Variants in PLEKHA6 observed in about 807,000 individuals in gnomAD.
PLEKHA6 encodes the protein pleckstrin homology domain containing A6, also known as pleckstrin homology domain-containing family A member 6.
A neutral mutation model predicts 116.7 loss-of-function variants in PLEKHA6; 60 were observed. That is an observed-to-expected ratio of 0.51 (90% CI 0.42 to 0.64). The LOEUF (loss-of-function observed/expected upper bound fraction) is 0.64. PLEKHA6 is among the 30% of genes least tolerant of loss of function. The probability of loss-of-function intolerance (pLI) is 0.00; values close to 1 mark genes in which losing one functional copy is unlikely to be tolerated. For missense variants in PLEKHA6, 1,338 were observed against 1,422.7 expected (o/e 0.94, Z 0.96); for synonymous variants, 489 against 556.1 (o/e 0.88, Z 1.70).
chr1:204,293,087 G>C (rs116972773), intron 1 of PLEKHA6, among the ~76,000 whole-genome samples: 1 of 152,162 alleles, frequency 6.6e-6, no homozygotes, highest in Non-Finnish European at 1.5e-5. Context: ...CTGTGGGAGT[G>C]GGGGAGGGAG....
rs113419193 is a variant in PLEKHA6 at position 204,238,780 on chromosome 1, C to T, written c.2409+2595G>A. ...GATGGTTCTGCAAGATATGCAGGCA[C>T]CACCCGAAAGTAGACAGCTGCAGCA... On this transcript the variant is annotated intron_variant, in intron 17 of 22. Coordinates refer to ENST00000272203, the MANE Select transcript of PLEKHA6 (RefSeq NM_014935.5). This position sits in a 1 kb window ranked among gnomAD's most constrained non-coding sequence, Gnocchi z 4.2. Among the ~76,000 whole-genome samples the T allele has an allele frequency of 0.082, 12,411 of 152,252 alleles. 599 individuals are homozygous for T. Among genetic ancestry groups the T allele is most frequent in the Middle Eastern group, 0.14 (41 of 294 alleles).
At chr1:204,295,929 C>G (rs1354451687) in intron 1 of PLEKHA6, among the ~76,000 whole-genome samples, 1 of 152,142 alleles carries the variant, frequency 6.6e-6, no homozygotes, top group East Asian at 1.9e-4. Context: ...AACGGAAACT[C>G]AAGAAGCTCC....
chr1:204,257,759 C>G lies in PLEKHA6; in HGVS notation c.1118G>C (p.Ser373Thr). The G allele has an allele frequency of 6.2e-7, 1 of 1,613,852 alleles. No individual in the cohort carries two copies. The highest frequency in any genetic ancestry group is 8.5e-7 in the Non-Finnish European group (1 of 1,179,906). The change falls in exon 9 of 23, where the codon AGC (serine) becomes ACC (threonine). Residue 373 changes from serine (S) to threonine (T), a missense_variant. Physicochemically the swap from Ser to Thr is moderately conservative, Grantham distance 58. Coordinates refer to ENST00000272203, the MANE Select transcript of PLEKHA6 (RefSeq NM_014935.5). The surrounding 1 kb of genome is among the most constrained non-coding windows in gnomAD (Gnocchi z 6.5). ...ATCATAGGCCGGCATGGAACAGATG[C>G]TCTCCGGCCGCACTCCTGGCGGGTA... Reference protein sequence around the residue: ...QYYPPGVRPESICSMPAYDRI... With the variant: ...QYYPPGVRPETICSMPAYDRI...
At chr1:204,258,388 A>G (rs1036471535) in intron 8 of PLEKHA6, among the ~76,000 whole-genome samples, 7 of 152,230 alleles carry the variant, frequency 4.6e-5, no homozygotes, top group Admixed American at 4.6e-4. Context: ...ATCCACCTGT[A>G]GAGTAGTAGC....
chr1:204,312,304 C>T (rs546529885), intron 1 of PLEKHA6, among the ~76,000 whole-genome samples: 19 of 152,340 alleles, frequency 1.2e-4, no homozygotes, highest in African/African-American at 2.9e-4. Flanking sequence ...GAGAGATAAA[C>T]GGCACACAGC....
At position 204,238,542 on chromosome 1, in the gene PLEKHA6, C is replaced by A. The variant is rs1163175224; in HGVS notation, c.2409+2833G>T. 6.6e-6 allele frequency among the ~76,000 whole-genome samples: 1 copy of A among 152,174 alleles called. No homozygotes were observed. The highest frequency in any genetic ancestry group is 2.4e-5 in the African/African-American group (1 of 41,434). On this transcript the variant is annotated intron_variant, in intron 17 of 22. Transcript: ENST00000272203. The surrounding 1 kb of genome is among the most constrained non-coding windows in gnomAD (Gnocchi z 4.2). ...TAGCCATAAAGTGGGTGGTGCACAG[C>A]AGCATTCCATCATCAAATGGAAGTG... is the stretch of plus-strand genomic sequence containing the variant.
intron 5 of PLEKHA6, among the ~76,000 whole-genome samples, chr1:204,266,272 T>C (rs913308456): frequency 2.0e-5 from 3 of 152,280 alleles, no homozygotes; most frequent in Non-Finnish European, 4.4e-5. Flanking sequence ...CCTCCAGAGA[T>C]GGAGCCCCTG....
At position 204,230,524 on chromosome 1, in the gene PLEKHA6, C is replaced by T. The variant is rs1322915546; in HGVS notation, c.2472G>A (p.Gln824=). 1 of 1,597,992 alleles carries T rather than the reference C, an allele frequency of 6.3e-7. No homozygotes were observed. The highest frequency in any genetic ancestry group is 1.7e-5 in the Admixed American group (1 of 57,254). The change falls in exon 18 of 23, where the codon CAG becomes CAA. Residue 824 remains glutamine (Q), a synonymous_variant. Transcript: ENST00000272203. ...TCTGGTGCCGCCGCATTCGGTCAAT[C>T]TGCTCCTCCACGCTCATCTTGACCT... is the stretch of plus-strand genomic sequence containing the variant. ...EGKVKMSVEE[Q]IDRMRRHQSG...
At chr1:204,299,618 C>G in intron 1 of PLEKHA6, 7 of 984,376 alleles carry the variant, frequency 7.1e-6, no homozygotes, top group Non-Finnish European at 8.4e-6. Context: ...ATCTCGCATT[C>G]TTTCTCCTGC....
rs1417742368 is a variant in PLEKHA6, at chr1:204,257,611, G to A, written c.1266C>T (p.Val422=). 2 of 1,609,534 alleles carry A rather than the reference G, an allele frequency of 1.2e-6. No individual in the cohort carries two copies. The highest frequency in any genetic ancestry group is 1.3e-5 in the African/African-American group (1 of 74,976). The part of the protein sequence containing the change: ...PASYGRQDAT[V]WIPSPSRQPV... ...GCTGCCGGGAGGGGCTTGGGATCCA[G>A]ACGGTGGCATCCTGCCGCCCGTAGC... The change falls in exon 9 of 23, where the codon GTC becomes GTT. Residue 422 remains valine, a synonymous_variant. Coordinates refer to ENST00000272203, the MANE Select transcript of PLEKHA6 (RefSeq NM_014935.5). The surrounding 1 kb of genome is among the most constrained non-coding windows in gnomAD (Gnocchi z 6.5).
chr1:204,265,109 TG>T lies in PLEKHA6; in HGVS notation c.281-68del, dbSNP rs1450995104. The T allele has an allele frequency of 4.6e-5, 49 of 1,057,386 alleles. No individual in the cohort carries two copies. In the Admixed American group the frequency reaches 4.9e-4, roughly 11 times the overall value. The allele number at this position is 1,057,386 out of a possible 1,614,324, so 65.5% of individuals were successfully genotyped here. A position where few individuals can be genotyped will look rare whatever the true frequency, so the allele number is the denominator to read the frequency against. ...TGCAAGCGTGTGCGTGCGCCAGGGG[TG>T]GGGAGGAGTGTGTTGTCCCTCCCTG... On this transcript the variant is annotated intron_variant, in intron 5 of 22. Coordinates refer to ENST00000272203, the MANE Select transcript of PLEKHA6 (RefSeq NM_014935.5).
rs1271352487 is a variant in PLEKHA6 at position 204,241,724 on chromosome 1, G to T, written c.2263C>A (p.Gln755Lys). Reference sequence around the variant, plus strand: ...GCCTGCTTCTCTGCCTCTACCTCTTGCCTGGTGGGCACAAGGCTGATGTCT... The same window carrying T: ...GCCTGCTTCTCTGCCTCTACCTCTTTCCTGGTGGGCACAAGGCTGATGTCT... ...PRDISLVPTR[Q>K]EVEAEKQAAL... Residue 755 changes from glutamine to lysine, a missense_variant, in exon 16 of 23, where the codon CAA becomes AAA. This residue lies in a region of PLEKHA6 where 1,136 missense variants were observed against 1,163.6 expected (regional missense o/e 0.98). Coordinates refer to ENST00000272203, the MANE Select transcript of PLEKHA6 (RefSeq NM_014935.5). 6.2e-7 allele frequency: 1 copy of T among 1,611,010 alleles called. No homozygotes were observed. Among genetic ancestry groups the T allele is most frequent in the African/African-American group, 1.3e-5 (1 of 74,832 alleles).
At chr1:204,245,563 A>G (rs2102601918) in intron 14 of PLEKHA6, 52 bp downstream of exon 14, 13 of 1,055,954 alleles carry the variant, frequency 1.2e-5, no homozygotes, top group Non-Finnish European at 1.8e-5. Context: ...GAAATACTGG[A>G]GCACTCCTGG....
At chr1:204,230,695 C>A in intron 17 of PLEKHA6, 109 bp from the exon 18 acceptor site, 1 of 913,100 alleles carries the variant, frequency 1.1e-6, no homozygotes, top group Non-Finnish European at 1.6e-6. Context: ...CTGTAGTGGA[C>A]TGAAGAGTGG....
intron 1 of PLEKHA6, among the ~76,000 whole-genome samples, chr1:204,297,555 C>T (rs1670400757): frequency 6.6e-6 from 1 of 151,338 alleles, no homozygotes; most frequent in Admixed American, 6.6e-5. Flanking sequence ...TCCATACTAG[C>T]AATGGGACTT....
intron 1 of PLEKHA6, among the ~76,000 whole-genome samples, chr1:204,322,344 C>A (rs1435474047): frequency 6.6e-6 from 1 of 152,174 alleles, no homozygotes; most frequent in East Asian, 1.9e-4. Context: ...CCTCAAGGCT[C>A]TAAACTGGAT....
chr1:204,363,560 T>C (rs949018291), upstream of PLEKHA6, among the ~76,000 whole-genome samples: 3 of 152,084 alleles, frequency 2.0e-5, no homozygotes, highest in Admixed American at 6.5e-5. Context: ...AGAGGCACCC[T>C]TGGGGACAGA....
At position 204,259,377 on chromosome 1, in the gene PLEKHA6, C is replaced by T. The variant is rs1411866448; in HGVS notation, c.888G>A (p.Arg296=). 1 of 1,614,240 alleles carries T rather than the reference C, an allele frequency of 6.2e-7. No homozygotes were observed. Among genetic ancestry groups the T allele is most frequent in the Admixed American group, 1.7e-5 (1 of 60,032 alleles). ...GGTTGGTGCGTGGTGGGAAACTCCG[C>T]CGGTGTCCCCCAGTCTCTCCATCCT... ...PSQDGETGGH[R]RSFPPRTNPD... is the part of the protein sequence containing the mutation. Residue 296 remains arginine, a synonymous_variant, in exon 8 of 23, where the codon CGG becomes CGA. Coordinates refer to ENST00000272203, the MANE Select transcript of PLEKHA6 (RefSeq NM_014935.5). This position sits in a 1 kb window ranked among gnomAD's most constrained non-coding sequence, Gnocchi z 4.6.
intron 1 of PLEKHA6, among the ~76,000 whole-genome samples, chr1:204,276,490 C>G (rs1202419780): frequency 6.6e-6 from 1 of 152,158 alleles, no homozygotes; most frequent in African/African-American, 2.4e-5. Flanking sequence ...CAGTCTGTGG[C>G]AACTACGGTG....
Sources: gnomAD v4.1 joint callset for allele counts (sites outside exome capture counted in the v4.1 genomes callset) on GRCh38, gnomAD v4.1.1 for gene constraint, gnomAD v4.1.1 regional missense constraint, Gnocchi (gnomAD v3.1) non-coding constraint, MANE v1.5 for transcripts, NCBI Gene and HGNC (gene_info 2026-07-23, HGNC 2026-07-21) for gene names.